The following MAP1A variants were observed in gnomAD, a reference collection of about 807,000 sequenced individuals.
MAP1A encodes the protein microtubule-associated protein 1A.
MAP1A carries 42 observed loss-of-function variants against 185.9 expected under a neutral mutation model. The observed-to-expected ratio is 0.23, with a 90% CI of 0.18 to 0.29. The LOEUF (loss-of-function observed/expected upper bound fraction) is 0.29, where lower values mean the gene tolerates loss of function less well. MAP1A is among the 10% of genes least tolerant of loss of function. The pLI is 1.00. For synonymous variants in MAP1A, 1,229 were observed against 1,335.9 expected (o/e 0.92, Z 1.74); for missense variants, 2,995 against 3,450.4 (o/e 0.87, Z 3.31).
rs1413050259 is a variant in MAP1A at position 43,524,978 on chromosome 15, A to T, written c.3505A>T (p.Thr1169Ser). Residue 1169 changes from threonine to serine, a missense_variant, in exon 4 of 6, where the codon ACC (threonine) becomes TCC (serine). Around this residue, in one of 3 missense-constraint regions of MAP1A, gnomAD observed 2,728 missense variants for 2,986.0 expected, o/e 0.91. Transcript: ENST00000300231. Reference sequence around the variant, plus strand: ...CCCAGACACTGCCAACCAAGAGCCTACCCCCAAGTCTCCCTGTGGCCTGAC... The same window carrying T: ...CCCAGACACTGCCAACCAAGAGCCTTCCCCCAAGTCTCCCTGTGGCCTGAC... Reference protein sequence around the residue: ...PSPDTANQEPTPKSPCGLTEQ... With the variant: ...PSPDTANQEPSPKSPCGLTEQ... 6.2e-7 allele frequency: 1 copy of T among 1,613,906 alleles called. No homozygotes were observed.
Position 43,522,950 on chromosome 15 carries a change from C to A in MAP1A, c.1477C>A (p.Arg493Ser). 5.0e-6 allele frequency: 8 copies of A among 1,614,094 alleles called. No individual in the cohort carries two copies. The highest frequency in any genetic ancestry group is 6.8e-6 in the Non-Finnish European group (8 of 1,180,012). Reference protein sequence around the residue: ...RVKIDRSRAIRGEKELSSEPQ... With the variant: ...RVKIDRSRAISGEKELSSEPQ... ...CAAAATAGACAGGAGCCGTGCTATC[C>A]GTGGGGAGAAGGAGCTGTCTTCTGA... The change falls in exon 4 of 6, where the codon CGT (arginine) becomes AGT (serine). Residue 493 changes from arginine to serine, a missense_variant. By Grantham distance (110) the Arg-to-Ser change is moderately radical (BLOSUM62 -1). Around this residue, in one of 3 missense-constraint regions of MAP1A, gnomAD observed 2,728 missense variants for 2,986.0 expected, o/e 0.91. Transcript: ENST00000300231. The surrounding 1 kb of genome is among the most constrained non-coding windows in gnomAD (Gnocchi z 5.9).
rs1393798132 is a variant in MAP1A at position 43,525,375 on chromosome 15, A to G, written c.3902A>G (p.Asn1301Ser). 1 of 1,613,978 alleles carries G rather than the reference A, an allele frequency of 6.2e-7. No homozygotes were observed. Among genetic ancestry groups the G allele is most frequent in the East Asian group, 2.2e-5 (1 of 44,898 alleles). Residue 1301 changes from asparagine (N) to serine (S), a missense_variant, in exon 4 of 6, where the codon AAT (asparagine) becomes AGT (serine). By Grantham distance (46) the Asn-to-Ser change is conservative. Coordinates refer to ENST00000300231, the MANE Select transcript of MAP1A (RefSeq NM_002373.6). ...SSFSHSTPSG[N>S]GKYLPGAITS... ...TTCTCTCACTCTACACCTTCAGGAA[A>G]TGGGAAGTACTTACCTGGGGCGATC... is the stretch of plus-strand genomic sequence containing the variant.
At chr15:43,519,255 A>T (rs1361038594) in intron 1 of MAP1A, among the ~76,000 whole-genome samples, 1 of 152,184 alleles carries the variant, frequency 6.6e-6, no homozygotes, top group Non-Finnish European at 1.5e-5. Flanking sequence ...TCAAGTAAAT[A>T]GAAGGGAACC....
rs1395478357 is a variant in MAP1A at position 43,527,063 on chromosome 15, C to T, written c.5590C>T (p.Pro1864Ser). The change falls in exon 4 of 6, where the codon CCC becomes TCC. Residue 1864 changes from proline (P) to serine (S), a missense_variant. Transcript: ENST00000300231. ...ACCCCTCTCCCCAGCTCCTGGTCCC[C>T]CCACACCTGCCCCGGAATCCCATAC... is the stretch of plus-strand genomic sequence containing the variant. ...PAPLSPAPGP[P>S]TPAPESHTPA... 2 of 1,582,422 alleles carry T rather than the reference C, an allele frequency of 1.3e-6. No individual in the cohort carries two copies. The highest frequency in any genetic ancestry group is 2.7e-5 in the African/African-American group (2 of 74,478).
rs1204003902 is a variant in MAP1A, at chr15:43,524,293, G to T, written c.2820G>T (p.Glu940Asp). ...TGTCTGGAGAGAGAGCTGTGGAAGA[G>T]GAAGAGGAGGAGACAGCAAACGTAG... ...KGLSGERAVE[E>D]EEEETANVEM... Residue 940 changes from glutamate (E) to aspartate (D), a missense_variant, in exon 4 of 6, where the codon GAG becomes GAT. Physicochemically the swap from Glu to Asp is conservative, Grantham distance 45. This residue lies in a region of MAP1A where 2,728 missense variants were observed against 2,986.0 expected (regional missense o/e 0.91). Coordinates refer to ENST00000300231, the MANE Select transcript of MAP1A (RefSeq NM_002373.6). 5 of 1,614,118 alleles carry T rather than the reference G, an allele frequency of 3.1e-6. No homozygotes were observed. The African/African-American group carries it at 6.7e-5, about 22-fold the overall frequency.
At position 43,522,867 on chromosome 15, in the gene MAP1A, A is replaced by T; in HGVS notation, c.1394A>T (p.Lys465Met). 1 of 1,609,314 alleles carries T rather than the reference A, an allele frequency of 6.2e-7. No individual in the cohort carries two copies. The highest frequency in any genetic ancestry group is 8.5e-7 in the Non-Finnish European group (1 of 1,177,538). ...ELKKISKPDLKPFTPEVRKTL... is the reference protein window; with the variant it reads ...ELKKISKPDLMPFTPEVRKTL... Reference sequence around the variant, plus strand: ...AAGAAGATTTCCAAGCCAGACCTAAAGCCCTTTACTCCTGAGGTACGTAAG... The same window carrying T: ...AAGAAGATTTCCAAGCCAGACCTAATGCCCTTTACTCCTGAGGTACGTAAG... Residue 465 changes from lysine (K) to methionine (M), a missense_variant, in exon 4 of 6, where the codon AAG becomes ATG. By Grantham distance (95) the Lys-to-Met change is moderately conservative (BLOSUM62 -1). Transcript: ENST00000300231. The surrounding 1 kb of genome is among the most constrained non-coding windows in gnomAD (Gnocchi z 5.9).
chr15:43,518,111 G>C (rs895479121), intron 1 of MAP1A, among the ~76,000 whole-genome samples: 5 of 152,174 alleles, frequency 3.3e-5, no homozygotes, highest in African/African-American at 1.2e-4. Context: ...GGTGTCAGCT[G>C]CTGGATTGCT....
chr15:43,525,313 A>G lies in MAP1A; in HGVS notation c.3840A>G (p.Thr1280=), dbSNP rs190530165. 7.4e-6 allele frequency: 12 copies of G among 1,614,180 alleles called. No homozygotes were observed. The African/African-American group carries it at 1.3e-4, about 18-fold the overall frequency. The change falls in exon 4 of 6, where the codon ACA becomes ACG. Residue 1280 remains threonine, a synonymous_variant. Transcript: ENST00000300231. The stretch of plus-strand genomic sequence containing the variant: ...GATACTCTGCACAGACAGACATCAC[A>G]GATGACAGCCTTGACAGGAAGTCAC... The part of the protein sequence containing the change: ...TTRYSAQTDI[T]DDSLDRKSPA...
chr15:43,524,127 G>A lies in MAP1A; in HGVS notation c.2654G>A (p.Gly885Asp). ...TCCTCCCGTACTGAAGCTACGCAGG[G>A]CTTGGACTATGTGCCATCAGCTGGT... ...IPSSRTEATQ[G>D]LDYVPSAGTI... The change falls in exon 4 of 6, where the codon GGC (glycine) becomes GAC (aspartate). Residue 885 changes from glycine to aspartate, a missense_variant. Physicochemically the swap from Gly to Asp is moderately conservative, Grantham distance 94. This residue lies in a region of MAP1A where 2,728 missense variants were observed against 2,986.0 expected (regional missense o/e 0.91). Coordinates refer to ENST00000300231, the MANE Select transcript of MAP1A (RefSeq NM_002373.6). 2 of 1,614,174 alleles carry A rather than the reference G, an allele frequency of 1.2e-6. No individual in the cohort carries two copies. The highest frequency in any genetic ancestry group is 1.7e-5 in the Admixed American group (1 of 60,024).
rs745638085 is a variant in MAP1A at position 43,522,460 on chromosome 15, G to A, written c.987G>A (p.Thr329=). The change falls in exon 4 of 6, where the codon ACG becomes ACA. Residue 329 remains threonine, a synonymous_variant. Coordinates refer to ENST00000300231, the MANE Select transcript of MAP1A (RefSeq NM_002373.6). The surrounding 1 kb of genome is among the most constrained non-coding windows in gnomAD (Gnocchi z 5.9). ...SKESLKATTK[T]AVSKLAKREE... is the part of the protein sequence containing the mutation. ...AGAGCCTCAAAGCCACTACCAAGAC[G>A]GCCGTGAGCAAGTTGGCCAAACGGG... 18 of 1,613,950 alleles carry A rather than the reference G, an allele frequency of 1.1e-5. No individual in the cohort carries two copies. The highest frequency in any genetic ancestry group is 1.6e-4 in the Middle Eastern group (1 of 6,084).
rs758390056 is a variant in MAP1A at position 43,521,599 on chromosome 15, C to A, written c.126C>A (p.Ile42=). The stretch of plus-strand genomic sequence containing the variant: ...AGCTCTCCAAGCCTTGTTGCTACAT[C>A]TTCCCAGGTGGTCGTGGGGACTCTG... ...FLKLSKPCCY[I]FPGGRGDSAL... The change falls in exon 4 of 6, where the codon ATC becomes ATA. Residue 42 remains isoleucine (I), a synonymous_variant. Transcript: ENST00000300231. The surrounding 1 kb of genome is among the most constrained non-coding windows in gnomAD (Gnocchi z 4.6). 2 of 1,614,162 alleles carry A rather than the reference C, an allele frequency of 1.2e-6. No homozygotes were observed. The highest frequency in any genetic ancestry group is 8.5e-7 in the Non-Finnish European group (1 of 1,180,040).
rs376517161 is a variant in MAP1A, at chr15:43,523,493, G to A, written c.2020G>A (p.Ala674Thr). ...CCCTTCAGATGAGGAGGAAGAGGAC[G>A]CGACAAAAGCTGAGGGTTTTTACCA... ...VHPSDEEEED[A>T]TKAEGFYQKH... Residue 674 changes from alanine to threonine, a missense_variant, in exon 4 of 6, where the codon GCG becomes ACG. By Grantham distance (58) the Ala-to-Thr change is moderately conservative. Around this residue, in one of 3 missense-constraint regions of MAP1A, gnomAD observed 2,728 missense variants for 2,986.0 expected, o/e 0.91. Coordinates refer to ENST00000300231, the MANE Select transcript of MAP1A (RefSeq NM_002373.6). 6.0e-5 allele frequency: 97 copies of A among 1,613,918 alleles called. No homozygotes were observed. The highest frequency in any genetic ancestry group is 1.6e-4 in the Middle Eastern group (1 of 6,084).
Position 43,527,129 on chromosome 15 carries a change from G to A in MAP1A, c.5656G>A (p.Val1886Met). 1 of 1,609,800 alleles carries A rather than the reference G, an allele frequency of 6.2e-7. No individual in the cohort carries two copies. Among genetic ancestry groups the A allele is most frequent in the Non-Finnish European group, 8.5e-7 (1 of 1,177,936 alleles). Reference protein sequence around the residue: ...FSWGTAEYDSVVAAVQEGAAE... With the variant: ...FSWGTAEYDSMVAAVQEGAAE... Reference sequence around the variant, plus strand: ...TTGGGGCACAGCCGAGTATGACAGTGTGGTGGCTGCAGTGCAGGAGGGGGC... The same window carrying A: ...TTGGGGCACAGCCGAGTATGACAGTATGGTGGCTGCAGTGCAGGAGGGGGC... The change falls in exon 4 of 6, where the codon GTG (valine) becomes ATG (methionine). Residue 1886 changes from valine to methionine, a missense_variant. This residue lies in a region of MAP1A where 2,728 missense variants were observed against 2,986.0 expected (regional missense o/e 0.91). Transcript: ENST00000300231.
chr15:43,528,903 G>A lies in MAP1A; in HGVS notation c.7430G>A (p.Gly2477Glu). 5 of 1,613,164 alleles carry A rather than the reference G, an allele frequency of 3.1e-6. No homozygotes were observed. The highest frequency in any genetic ancestry group is 4.2e-6 in the Non-Finnish European group (5 of 1,179,948). ...GAGGAAGTTCGGCTAGTAGGAAGAG[G>A]GGGGCGGCGCCGGGTAGGGGGGCCA... ...STEEVRLVGR[G>E]GRRRVGGPGT... The change falls in exon 4 of 6, where the codon GGG (glycine) becomes GAG (glutamate). Residue 2477 changes from glycine (G) to glutamate (E), a missense_variant. Transcript: ENST00000300231.
rs200849063 is a variant in MAP1A at position 43,528,730 on chromosome 15, C to T, written c.7257C>T (p.Ser2419=). Residue 2419 remains serine, a synonymous_variant, in exon 4 of 6, where the codon TCC becomes TCT. Coordinates refer to ENST00000300231, the MANE Select transcript of MAP1A (RefSeq NM_002373.6). The part of the protein sequence containing the change: ...PEQPVCPAGG[S]GGPPSSASPE... ...AGCCAGTGTGTCCTGCAGGGGGCTC[C>T]GGGGGCCCACCCAGCAGTGCCTCTC... is the stretch of plus-strand genomic sequence containing the variant. 1.0e-4 allele frequency: 161 copies of T among 1,612,940 alleles called. No individual in the cohort carries two copies. In the African/African-American group the frequency reaches 1.7e-3, roughly 17 times the overall value.
Position 43,528,156 on chromosome 15 carries a change from C to G in MAP1A, c.6683C>G (p.Ser2228Cys), listed in dbSNP as rs774764190. The G allele has an allele frequency of 2.2e-5, 35 of 1,614,168 alleles. No homozygotes were observed. The South Asian group carries it at 3.7e-4, about 17-fold the overall frequency. The change falls in exon 4 of 6, where the codon TCC (serine) becomes TGC (cysteine). Residue 2228 changes from serine to cysteine, a missense_variant. Coordinates refer to ENST00000300231, the MANE Select transcript of MAP1A (RefSeq NM_002373.6). ...LEVTKAPSLD[S>C]SLPQLPSPSS... ...GTGACCAAGGCCCCCAGCCTGGATT[C>G]CTCACTGCCCCAGCTCCCATCACCC...
rs766932205 is a variant in MAP1A, at chr15:43,527,058, G to A, written c.5585G>A (p.Gly1862Asp). Residue 1862 changes from glycine (G) to aspartate (D), a missense_variant, in exon 4 of 6, where the codon GGT becomes GAT. Gly to Asp is a moderately conservative substitution (Grantham distance 94). This residue lies in a region of MAP1A where 2,728 missense variants were observed against 2,986.0 expected (regional missense o/e 0.91). Coordinates refer to ENST00000300231, the MANE Select transcript of MAP1A (RefSeq NM_002373.6). ...CCTGCACCCCTCTCCCCAGCTCCTG[G>A]TCCCCCCACACCTGCCCCGGAATCC... Reference protein sequence around the residue: ...LPPAPLSPAPGPPTPAPESHT... With the variant: ...LPPAPLSPAPDPPTPAPESHT... 1 of 1,583,374 alleles carries A rather than the reference G, an allele frequency of 6.3e-7. No individual in the cohort carries two copies.
chr15:43,528,724 G>A lies in MAP1A; in HGVS notation c.7251G>A (p.Gly2417=), dbSNP rs1206434804. ...LSPEQPVCPA[G]GSGGPPSSAS... is the part of the protein sequence containing the mutation. ...CTGAGCAGCCAGTGTGTCCTGCAGG[G>A]GGCTCCGGGGGCCCACCCAGCAGTG... Residue 2417 remains glycine, a synonymous_variant, in exon 4 of 6, where the codon GGG becomes GGA. Transcript: ENST00000300231. The A allele has an allele frequency of 4.3e-6, 7 of 1,613,018 alleles. No homozygotes were observed. In the Admixed American group the frequency reaches 1.0e-4, roughly 23 times the overall value.
chr15:43,511,315 C>G, intron 1 of MAP1A: 1 of 1,011,734 alleles, frequency 9.9e-7, no homozygotes, highest in Non-Finnish European at 1.5e-6. Flanking sequence ...ACGTCTGCAT[C>G]TCCATCCCTA....
Sources: allele counts gnomAD v4.1 joint callset (sites outside exome capture counted in the v4.1 genomes callset), GRCh38; gene constraint gnomAD v4.1.1; regional missense constraint gnomAD v4.1.1; non-coding constraint Gnocchi (gnomAD v3.1); transcripts MANE v1.5; gene names NCBI Gene and HGNC (gene_info 2026-07-23, HGNC 2026-07-21).